The following DYSF variants were observed in gnomAD, a reference collection of about 807,000 sequenced individuals.
DYSF encodes dysferlin.
Under a neutral mutation model 274.9 loss-of-function variants are expected in DYSF, and 212 were observed. That is an observed-to-expected ratio of 0.77 (90% CI 0.69 to 0.86). The LOEUF is 0.86. DYSF is among the 40% of genes least tolerant of loss of function. DYSF has a pLI of 0.00. For synonymous variants in DYSF, 1,091 were observed against 1,078.7 expected (o/e 1.01, Z -0.22); for missense variants, 2,666 against 2,783.2 (o/e 0.96, Z 0.95).
intron 46 of DYSF, 44 bp downstream of exon 46, chr2:71,664,482 C>T: frequency 6.2e-7 from 1 of 1,608,958 alleles, no homozygotes; most frequent in Non-Finnish European, 8.5e-7. Context: ...GACAACACAC[C>T]ACCCCTGTCT....
In DYSF at chr2:71,509,585, G is replaced by A. The variant is rs74869345; in HGVS notation, c.346-2222G>A. Among the ~76,000 whole-genome samples, 757 of 152,220 alleles carry A rather than the reference G, an allele frequency of 5.0e-3. 4 individuals are homozygous for A. The highest frequency in any genetic ancestry group is 0.017 in the African/African-American group (726 of 41,532). On this transcript the variant is annotated intron_variant, in intron 4 of 55. Coordinates refer to ENST00000410020, the MANE Select transcript of DYSF (RefSeq NM_001130987.2). ...TAGTCAGTTGGCATTTCGTGGTCAGGAAAAGCTTTCTCCTCTCCTATTTAT... is the reference window on the plus strand; with the variant it reads ...TAGTCAGTTGGCATTTCGTGGTCAGAAAAAGCTTTCTCCTCTCCTATTTAT...
chr2:71,648,332 C>G (rs1211497212), intron 42 of DYSF, among the ~76,000 whole-genome samples: 1 of 151,798 alleles, frequency 6.6e-6, no homozygotes, highest in Non-Finnish European at 1.5e-5. Flanking sequence ...GAGATGAAAA[C>G]GTGAAGTTGG....
chr2:71,458,583 A>G (rs2081164328), intron 1 of DYSF, among the ~76,000 whole-genome samples: 1 of 152,144 alleles, frequency 6.6e-6, no homozygotes, highest in African/African-American at 2.4e-5. Context: ...CTTTCTGGGA[A>G]CAAGTATTCC....
At position 71,551,645 on chromosome 2, in the gene DYSF, C is replaced by A. The variant is rs1272649514; in HGVS notation, c.1731C>A (p.Ser577=). 4 of 1,610,586 alleles carry A rather than the reference C, an allele frequency of 2.5e-6. No homozygotes were observed. The South Asian group carries it at 4.5e-5, about 18-fold the overall frequency. ...CTTATCGTGGCCGGCTTCTGCTCTC[C>A]CTGGAGACCAAGCTGGTGGAGCACA... ...GVAYRGRLLL[S]LETKLVEHSE... The change falls in exon 19 of 56, where the codon TCC becomes TCA. Residue 577 remains serine, a synonymous_variant. Transcript: ENST00000410020.
At chr2:71,655,031 C>T (rs2094741830) in intron 42 of DYSF, among the ~76,000 whole-genome samples, 1 of 152,148 alleles carries the variant, frequency 6.6e-6, no homozygotes, top group Non-Finnish European at 1.5e-5. Context: ...TTCAAGGCTG[C>T]AGTGAGCCAT....
At chr2:71,549,230 C>T (rs1023465046) in intron 17 of DYSF, 13 of 956,928 alleles carry the variant, frequency 1.4e-5, no homozygotes, top group African/African-American at 1.3e-4. Context: ...CTGTTTCACA[C>T]CCGGGAGCTG....
rs146384562 is a variant in DYSF, at chr2:71,660,585, T to C, written c.4937T>C (p.Ile1646Thr). The C allele has an allele frequency of 2.0e-3, 3,264 of 1,613,948 alleles. 27 individuals carry two copies. Among genetic ancestry groups the C allele is most frequent in the South Asian group, 0.014 (1,242 of 91,072 alleles). The part of the protein sequence containing the change: ...GKCDPYIKIS[I>T]GKKSVSDQDN... ...TGTGATCCTTACATCAAGATCTCCA[T>C]AGGGAAGAAATCAGTGAGTGACCAG... Residue 1646 changes from isoleucine (I) to threonine (T), a missense_variant, in exon 45 of 56, where the codon ATA becomes ACA. By Grantham distance (89) the Ile-to-Thr change is moderately conservative (BLOSUM62 -1). Coordinates refer to ENST00000410020, the MANE Select transcript of DYSF (RefSeq NM_001130987.2).
chr2:71,534,618 G>A (rs1039610773), intron 14 of DYSF, among the ~76,000 whole-genome samples: 1 of 152,202 alleles, frequency 6.6e-6, no homozygotes, highest in African/African-American at 2.4e-5. Flanking sequence ...GGATGATCTG[G>A]GGTAATGGGC....
rs1345173720 is a variant in DYSF, at chr2:71,493,571, G to T, written c.240-9643G>T. Among the ~76,000 whole-genome samples the T allele has an allele frequency of 2.0e-5, 3 of 152,170 alleles. No homozygotes were observed. In the East Asian group the frequency reaches 5.8e-4, roughly 29 times the overall value. On this transcript the variant is annotated intron_variant, in intron 3 of 55. Coordinates refer to ENST00000410020, the MANE Select transcript of DYSF (RefSeq NM_001130987.2). ...AGGTAAAGAAACACAAAGGTTTTCA[G>T]CTGGGTGCGCTGGCTCACGCCTGTA...
intron 1 of DYSF, among the ~76,000 whole-genome samples, chr2:71,467,468 A>C (rs1191186635): frequency 1.3e-5 from 2 of 152,200 alleles, no homozygotes; most frequent in Non-Finnish European, 2.9e-5. Flanking sequence ...GTTTTGAGGA[A>C]TGTCAAGGAT....
intron 42 of DYSF, among the ~76,000 whole-genome samples, chr2:71,652,495 G>A (rs1370182836): frequency 2.0e-5 from 3 of 152,064 alleles, no homozygotes. Flanking sequence ...AGCTTCATGA[G>A]GAATAAACTC....
intron 17 of DYSF, among the ~76,000 whole-genome samples, chr2:71,540,633 C>T (rs4241250): frequency 0.57 from 85,609 of 150,696 alleles, 26,016 homozygotes; most frequent in Middle Eastern, 0.71. Context: ...TGAAGTTGAC[C>T]GATTTCAATT....
chr2:71,615,448 T>C lies in DYSF; in HGVS notation c.4464+2038T>C, dbSNP rs985347809. ...TGCCCTCATGGAGCTCCCTGTCTGA[T>C]GAAAGAGACAAAACTCTGTTCTCAA... is the stretch of plus-strand genomic sequence containing the variant. On this transcript the variant is annotated intron_variant, in intron 40 of 55. Coordinates refer to ENST00000410020, the MANE Select transcript of DYSF (RefSeq NM_001130987.2). The surrounding 1 kb of genome is among the most constrained non-coding windows in gnomAD (Gnocchi z 4.9). Among the ~76,000 whole-genome samples the C allele has an allele frequency of 6.6e-6, 1 of 152,140 alleles. No individual in the cohort carries two copies. The highest frequency in any genetic ancestry group is 2.4e-5 in the African/African-American group (1 of 41,430).
intron 26 of DYSF, among the ~76,000 whole-genome samples, chr2:71,569,418 A>G (rs1188148453): frequency 6.6e-6 from 1 of 151,724 alleles, no homozygotes; most frequent in African/African-American, 2.4e-5. Flanking sequence ...TTGGCATTCA[A>G]CTCTGTGGTG....
At chr2:71,606,597 A>G (rs548893268) in intron 36 of DYSF, among the ~76,000 whole-genome samples, 1 of 152,040 alleles carries the variant, frequency 6.6e-6, no homozygotes, top group African/African-American at 2.4e-5. Flanking sequence ...CAGGCTCAAG[A>G]GCTGGCAGAG....
intron 17 of DYSF, among the ~76,000 whole-genome samples, chr2:71,544,196 G>GC (rs2090269880): frequency 6.6e-6 from 1 of 152,082 alleles, no homozygotes. Context: ...TTGGCTCTCT[G>GC]CCCTCTCCCT....
At chr2:71,461,465 C>T (rs1341267179) in intron 1 of DYSF, among the ~76,000 whole-genome samples, 1 of 152,184 alleles carries the variant, frequency 6.6e-6, no homozygotes, top group Non-Finnish European at 1.5e-5. Flanking sequence ...GACGAGGCAC[C>T]GGAGCTAGAG....
intron 45 of DYSF, among the ~76,000 whole-genome samples, chr2:71,662,616 T>C (rs573836120): frequency 6.6e-4 from 90 of 136,482 alleles, no homozygotes; most frequent in African/African-American, 2.5e-3. Context: ...TGTGTGTCTG[T>C]GTGTCTGTGT....
intron 17 of DYSF, among the ~76,000 whole-genome samples, chr2:71,547,429 C>A (rs1392781188): frequency 6.6e-6 from 1 of 152,110 alleles, no homozygotes; most frequent in African/African-American, 2.4e-5. Flanking sequence ...GGGTGGATCA[C>A]CTGAGTTCAG....
Sources: gnomAD v4.1 joint callset for allele counts (sites outside exome capture counted in the v4.1 genomes callset) on GRCh38, gnomAD v4.1.1 for gene constraint, Gnocchi (gnomAD v3.1) non-coding constraint, MANE v1.5 for transcripts, NCBI Gene and HGNC (gene_info 2026-07-23, HGNC 2026-07-21) for gene names.